The following POU6F2 variants were observed in gnomAD, a reference collection of about 807,000 sequenced individuals.
The protein encoded by POU6F2 is POU class 6 homeobox 2.
Under a neutral mutation model 71.3 loss-of-function variants are expected in POU6F2, and 31 were observed. That is an observed-to-expected ratio of 0.43 (90% CI 0.33 to 0.59). The LOEUF (loss-of-function observed/expected upper bound fraction) is 0.59. Ranked by LOEUF, POU6F2 falls within the 20% of genes least tolerant of loss-of-function variation. POU6F2 has a pLI of 0.04. For missense variants in POU6F2, 783 were observed against 856.8 expected (o/e 0.91, Z 1.07); for synonymous variants, 347 against 355.7 (o/e 0.98, Z 0.27).
At chr7:39,364,260 C>CT (rs112590056) in intron 5 of POU6F2, among the ~76,000 whole-genome samples, 27,804 of 143,844 alleles carry the variant, frequency 0.19, 2,654 homozygotes, top group Admixed American at 0.25. Flanking sequence ...TCTCTATTCT[C>CT]TTTTTTTTTT....
intron 4 of POU6F2, among the ~76,000 whole-genome samples, chr7:39,306,743 A>G (rs2128765976): frequency 6.6e-6 from 1 of 152,316 alleles, no homozygotes; most frequent in Middle Eastern, 3.4e-3. Flanking sequence ...TTTCTTTCCA[A>G]ATAAAAGATA....
chr7:39,288,350 A>G (rs564594294), intron 4 of POU6F2, among the ~76,000 whole-genome samples: 4 of 152,284 alleles, frequency 2.6e-5, no homozygotes, highest in African/African-American at 9.6e-5. Flanking sequence ...GAGCTTCAAC[A>G]TCCTCAGCTG....
intron 1 of POU6F2, among the ~76,000 whole-genome samples, chr7:38,990,908 A>G (rs932330780): frequency 3.3e-5 from 5 of 152,096 alleles, no homozygotes; most frequent in African/African-American, 1.2e-4. Flanking sequence ...GTAGACAAGG[A>G]TACGAGTTGG....
chr7:39,225,994 A>T (rs968040949), intron 4 of POU6F2, among the ~76,000 whole-genome samples: 1 of 151,748 alleles, frequency 6.6e-6, no homozygotes, highest in African/African-American at 2.4e-5. Flanking sequence ...AAAAACCAAC[A>T]TTTTTCTAAT....
rs181828622 is a variant in POU6F2 at position 39,349,351 on chromosome 7, C to T, written c.972+9336C>T. ...TCTTCACTGCCCATTGTCTCTAGTG[C>T]TCACACAACCGGAGTCCTGCCTCCT... On this transcript the variant is annotated intron_variant, in intron 5 of 9. Transcript: ENST00000518318. Among the ~76,000 whole-genome samples the T allele has an allele frequency of 4.1e-3, 631 of 152,258 alleles. 4 individuals are homozygous for T. Among genetic ancestry groups the T allele is most frequent in the African/African-American group, 0.014 (577 of 41,538 alleles).
In POU6F2 at chr7:39,372,436, G is replaced by A. The variant is rs141684143; in HGVS notation, c.972+32421G>A. ...TCTATCTATACAATTCCTTATAATG[G>A]AGGCTCTCAAGTCCAAAATCTGCAG... On this transcript the variant is annotated intron_variant, in intron 5 of 9. Coordinates refer to ENST00000518318, the MANE Select transcript of POU6F2 (RefSeq NM_001370959.1). Among the ~76,000 whole-genome samples the A allele has an allele frequency of 1.0e-2, 1,520 of 152,162 alleles. 16 individuals are homozygous for A. Among genetic ancestry groups the A allele is most frequent in the African/African-American group, 0.035 (1,465 of 41,504 alleles).
chr7:39,063,982 C>T (rs1434865846), intron 1 of POU6F2, among the ~76,000 whole-genome samples: 1 of 151,980 alleles, frequency 6.6e-6, no homozygotes, highest in Non-Finnish European at 1.5e-5. Flanking sequence ...GCTGATACAC[C>T]ACCCACATAA....
At chr7:39,150,670 G>A (rs1378601737) in intron 2 of POU6F2, among the ~76,000 whole-genome samples, 3 of 151,744 alleles carry the variant, frequency 2.0e-5, no homozygotes, top group Non-Finnish European at 4.4e-5. Flanking sequence ...GTTTCGTCAT[G>A]TTGGCCAGGC....
In POU6F2 at chr7:39,310,358, C is replaced by A. The variant is rs571515799; in HGVS notation, c.599-29284C>A. Among the ~76,000 whole-genome samples the A allele has an allele frequency of 2.6e-5, 4 of 152,206 alleles. No individual in the cohort carries two copies. The South Asian group carries it at 8.3e-4, about 32-fold the overall frequency. On this transcript the variant is annotated intron_variant, in intron 4 of 9. Coordinates refer to ENST00000518318, the MANE Select transcript of POU6F2 (RefSeq NM_001370959.1). Reference sequence around the variant, plus strand: ...TATAAGGCGTGGAAGGGATAAGTGTCCTTATTGATTTATACACAAATATCT... The same window carrying A: ...TATAAGGCGTGGAAGGGATAAGTGTACTTATTGATTTATACACAAATATCT...
At chr7:39,378,790 A>G (rs1025426594) in intron 5 of POU6F2, among the ~76,000 whole-genome samples, 2 of 152,358 alleles carry the variant, frequency 1.3e-5, no homozygotes, top group Non-Finnish European at 1.5e-5. Flanking sequence ...GTTTCTGATC[A>G]TGTGAAAGGT....
intron 7 of POU6F2, among the ~76,000 whole-genome samples, chr7:39,437,924 A>G (rs1337486182): frequency 6.7e-6 from 1 of 149,140 alleles, no homozygotes; most frequent in African/African-American, 2.5e-5. Flanking sequence ...CCATGTAATC[A>G]TGTGGTTTTG....
At chr7:39,107,267 A>G (rs1791710571) in intron 2 of POU6F2, among the ~76,000 whole-genome samples, 1 of 151,896 alleles carries the variant, frequency 6.6e-6, no homozygotes, top group South Asian at 2.1e-4. Context: ...CTGGTCTCCA[A>G]TTCCTGGGCT....
intron 4 of POU6F2, among the ~76,000 whole-genome samples, chr7:39,208,612 C>T (rs546087406): frequency 1.3e-5 from 2 of 152,302 alleles, no homozygotes; most frequent in African/African-American, 4.8e-5. Context: ...AACTTCTTTC[C>T]GTTCTCTATG....
chr7:39,448,172 T>C (rs921698917), intron 7 of POU6F2, among the ~76,000 whole-genome samples: 1 of 152,230 alleles, frequency 6.6e-6, no homozygotes, highest in African/African-American at 2.4e-5. Context: ...GTGGTACTTC[T>C]GAAGTCCTGT....
intron 4 of POU6F2, among the ~76,000 whole-genome samples, chr7:39,328,184 G>A (rs569374517): frequency 9.2e-5 from 14 of 152,366 alleles, no homozygotes; most frequent in Admixed American, 7.2e-4. Flanking sequence ...CTCCCAAAGT[G>A]CTGGGATTAC....
chr7:39,388,753 G>A (rs1051595576), intron 5 of POU6F2, among the ~76,000 whole-genome samples: 7 of 152,136 alleles, frequency 4.6e-5, no homozygotes, highest in South Asian at 2.1e-4. Flanking sequence ...TGTCAAGTGC[G>A]TCTATCTATT....
intron 1 of POU6F2, among the ~76,000 whole-genome samples, chr7:39,004,698 T>C (rs1045882458): frequency 6.6e-6 from 1 of 152,214 alleles, no homozygotes. Flanking sequence ...ACATGAATGA[T>C]ACTTGTCTGG....
rs1259708524 is a variant in POU6F2, at chr7:39,297,236, C to CACACAT, written c.599-42405_599-42404insCACATA. Among the ~76,000 whole-genome samples, 15 of 149,088 alleles carry CACACAT rather than the reference C, an allele frequency of 1.0e-4. No homozygotes were observed. In the South Asian group the frequency reaches 3.0e-3, roughly 30 times the overall value. ...ACACACACACACACACACACACACA[C>CACACAT]ATGAATTCACATATACGTGCACATT... On this transcript the variant is annotated intron_variant, in intron 4 of 9. Transcript: ENST00000518318.
chr7:39,235,635 C>G (rs1374660864), intron 4 of POU6F2, among the ~76,000 whole-genome samples: 4 of 152,278 alleles, frequency 2.6e-5, no homozygotes, highest in African/African-American at 9.6e-5. Context: ...GCCTTGTATC[C>G]CCTGAGCTTT....
Sources: gnomAD v4.1 joint callset for allele counts (sites outside exome capture counted in the v4.1 genomes callset) on GRCh38, gnomAD v4.1.1 for gene constraint, MANE v1.5 for transcripts, NCBI Gene and HGNC (gene_info 2026-07-23, HGNC 2026-07-21) for gene names.